The following GABRG1 variants were observed in gnomAD, a reference collection of about 807,000 sequenced individuals.
The protein encoded by GABRG1 is gamma-aminobutyric acid receptor subunit gamma-1.
Under a neutral mutation model 49.8 loss-of-function variants are expected in GABRG1, and 49 were observed. That is an observed-to-expected ratio of 0.98 (90% CI 0.78 to 1.25). The LOEUF is 1.25. GABRG1 is among the 50% of genes most tolerant of loss of function. GABRG1 has a pLI of 0.00. For missense variants in GABRG1, 552 were observed against 552.3 expected (o/e 1.00, Z 0.01); for synonymous variants, 232 against 185.1 (o/e 1.25, Z -2.06).
At chr4:46,111,264 T>A (rs1720704637) in intron 1 of GABRG1, among the ~76,000 whole-genome samples, 1 of 150,912 alleles carries the variant, frequency 6.6e-6, no homozygotes, top group African/African-American at 2.4e-5. Context: ...ACAAAAATAA[T>A]ACCTAGGAAA....
intron 3 of GABRG1, among the ~76,000 whole-genome samples, chr4:46,080,756 C>T (rs550338950): frequency 1.3e-5 from 2 of 151,802 alleles, no homozygotes; most frequent in South Asian, 2.1e-4. Context: ...AAATTGAAAA[C>T]ATAAACCCCA....
chr4:46,049,948 T>C (rs1281463757), intron 8 of GABRG1, among the ~76,000 whole-genome samples: 1 of 151,944 alleles, frequency 6.6e-6, no homozygotes, highest in Non-Finnish European at 1.5e-5. Flanking sequence ...GCCTGGCCTC[T>C]ATATTAGTTA....
Position 46,065,439 on chromosome 4 carries a change from G to C in GABRG1, c.467C>G (p.Ser156Cys). ...AGGAGTTGTTATCCAGTGAGCATCA[G>C]ATTTTCTTGAGTTTCTGAAGAAAGT... ...PDTFFRNSRK[S>C]DAHWITTPNR... Residue 156 changes from serine to cysteine, a missense_variant, in exon 4 of 9, where the codon TCT becomes TGT. Transcript: ENST00000295452. 6.2e-7 allele frequency: 1 copy of C among 1,612,232 alleles called. No homozygotes were observed. Among genetic ancestry groups the C allele is most frequent in the Non-Finnish European group, 8.5e-7 (1 of 1,179,130 alleles).
chr4:46,086,752 G>A (rs1719770954), intron 2 of GABRG1, among the ~76,000 whole-genome samples: 1 of 151,502 alleles, frequency 6.6e-6, no homozygotes, highest in African/African-American at 2.4e-5. Context: ...TTCCAAGAAA[G>A]CAAGCAACCA....
chr4:46,051,569 T>C lies in GABRG1; in HGVS notation c.986A>G (p.Tyr329Cys), dbSNP rs1718223032. The C allele has an allele frequency of 6.2e-7, 1 of 1,611,714 alleles. No individual in the cohort carries two copies. The highest frequency in any genetic ancestry group is 8.5e-7 in the Non-Finnish European group (1 of 1,178,582). ...AACAAAGAGATCCATCGCAGTCACA[T>C]AAGAAACCTTAGGTAAAGACTTCCT... ...IARKSLPKVS[Y>C]VTAMDLFVSV... is the part of the protein sequence containing the mutation. The change falls in exon 8 of 9, where the codon TAT becomes TGT. Residue 329 changes from tyrosine to cysteine, a missense_variant. Tyr to Cys is a radical substitution (Grantham distance 194). Transcript: ENST00000295452.
At chr4:46,077,646 T>C (rs1397524680) in intron 3 of GABRG1, among the ~76,000 whole-genome samples, 2 of 151,938 alleles carry the variant, frequency 1.3e-5, no homozygotes, top group Admixed American at 6.6e-5. Context: ...TTCCCTTCTC[T>C]CTCAGTCTAA....
At chr4:46,104,405 CGTGTTGTT>C (rs975640114) in intron 1 of GABRG1, among the ~76,000 whole-genome samples, 15 of 151,418 alleles carry the variant, frequency 9.9e-5, no homozygotes, top group African/African-American at 3.6e-4. Flanking sequence ...AATTTATTGC[CGTGTTGTT>C]GTAAATGTAA....
intron 3 of GABRG1, among the ~76,000 whole-genome samples, chr4:46,068,711 C>T (rs944309057): frequency 1.3e-5 from 2 of 151,752 alleles, no homozygotes; most frequent in African/African-American, 4.8e-5. Context: ...CCATGTTACA[C>T]GTAATAAAAA....
rs752282109 is a variant in GABRG1 at position 46,123,793 on chromosome 4, C to A, written c.104+17G>T. On this transcript the variant is annotated intron_variant, in intron 1 of 8. Transcript: ENST00000295452. ...GTAGATAGCAAAGAATAGTTTTAAA[C>A]CCCTGAATTTACTCACCAGTTTCCC... 3.8e-5 allele frequency: 60 copies of A among 1,579,220 alleles called. No individual in the cohort carries two copies. The highest frequency in any genetic ancestry group is 4.9e-5 in the Non-Finnish European group (56 of 1,148,638).
At chr4:46,075,174 C>G (rs566457095) in intron 3 of GABRG1, among the ~76,000 whole-genome samples, 2 of 151,864 alleles carry the variant, frequency 1.3e-5, no homozygotes, top group East Asian at 3.9e-4. Flanking sequence ...ACTTTCAGTC[C>G]GTAAGTACCA....
At position 46,094,572 on chromosome 4, in the gene GABRG1, T is replaced by C. The variant is rs115407257; in HGVS notation, c.253+2629A>G. On this transcript the variant is annotated intron_variant, in intron 2 of 8. Transcript: ENST00000295452. ...TGATGTCAAAGAGTGATGTTCAAAA[T>C]AGGTTGTTTCTGGGCCAAGAAAAAT... Among the ~76,000 whole-genome samples the C allele has an allele frequency of 3.1e-3, 475 of 152,062 alleles. 1 individual carries two copies. Among genetic ancestry groups the C allele is most frequent in the African/African-American group, 0.011 (460 of 41,532 alleles).
At position 46,037,829 on chromosome 4, in the gene GABRG1, C is replaced by T. The variant is rs1577621859; in HGVS notation, c.*3159G>A. 3 of 151,534 alleles carry T rather than the reference C, an allele frequency of 2.0e-5. 1 individual carries two copies. Among genetic ancestry groups the T allele is most frequent in the East Asian group, 1.9e-4 (1 of 5,160 alleles). The allele number at this position is 151,534 out of a possible 1,614,324, so 9.4% of individuals were successfully genotyped here. A position where few individuals can be genotyped will look rare whatever the true frequency, so the allele number is the denominator to read the frequency against. On this transcript the variant is annotated 3_prime_UTR_variant, in exon 9 of 9. Coordinates refer to ENST00000295452, the MANE Select transcript of GABRG1 (RefSeq NM_173536.4). ...CAAATTTTGACCTGGAATATAATTT[C>T]ACATTTATAACTATGGGGCCCTTGG...
intron 1 of GABRG1, among the ~76,000 whole-genome samples, chr4:46,101,506 C>A (rs867569744): frequency 6.6e-6 from 1 of 151,702 alleles, no homozygotes; most frequent in East Asian, 2.0e-4. Context: ...ACAAAAAAAG[C>A]ACTGTGATCT....
At chr4:46,057,702 A>T (rs367708892) in intron 7 of GABRG1, among the ~76,000 whole-genome samples, 150 of 152,230 alleles carry the variant, frequency 9.9e-4, no homozygotes, top group African/African-American at 3.4e-3. Context: ...TACACATTTT[A>T]TACATGACAG....
chr4:46,058,353 CATGATAACATAAT>C lies in GABRG1; in HGVS notation c.767_779del (p.Asp256GlyfsTer7), dbSNP rs760463590. The C allele has an allele frequency of 6.2e-7, 1 of 1,610,736 alleles. No individual in the cohort carries two copies. Among genetic ancestry groups the C allele is most frequent in the African/African-American group, 1.3e-5 (1 of 74,834 alleles). ...TTCTGCTCAGGTCAAAAAAAATTGTCATGATAACATAATCCCCTGTAAGAAAAAAAAGTTTTAT... is the reference window on the plus strand; with the variant it reads ...TTCTGCTCAGGTCAAAAAAAATTGTCCCCCTGTAAGAAAAAAAAGTTTTAT... On this transcript the variant is annotated frameshift_variant, in exon 7 of 9. Coordinates refer to ENST00000295452, the MANE Select transcript of GABRG1 (RefSeq NM_173536.4). LOFTEE classifies it high-confidence loss of function.
In GABRG1 at chr4:46,065,687, T is replaced by A. The variant is rs115011798; in HGVS notation, c.322-103A>T. Reference sequence around the variant, plus strand: ...ATTGTAAAGTTTCTGCAAGTAACAGTTAAACTCAGTCTTTTCGGAGGAAAA... The same window carrying A: ...ATTGTAAAGTTTCTGCAAGTAACAGATAAACTCAGTCTTTTCGGAGGAAAA... On this transcript the variant is annotated intron_variant, in intron 3 of 8. Transcript: ENST00000295452. The A allele has an allele frequency of 1.3e-3, 809 of 625,100 alleles. 2 individuals carry two copies. Among genetic ancestry groups the A allele is most frequent in the Admixed American group, 3.4e-3 (112 of 33,136 alleles). The allele number at this position is 625,100 out of a possible 1,614,324, so 38.7% of individuals were successfully genotyped here.
intron 2 of GABRG1, among the ~76,000 whole-genome samples, chr4:46,084,275 T>C (rs1719673777): frequency 6.6e-6 from 1 of 151,688 alleles, no homozygotes; most frequent in Non-Finnish European, 1.5e-5. Flanking sequence ...CATGAGATAA[T>C]GCAGAAAAAT....
chr4:46,120,333 TTA>T (rs1721057136), intron 1 of GABRG1, among the ~76,000 whole-genome samples: 1 of 151,804 alleles, frequency 6.6e-6, no homozygotes, highest in Admixed American at 6.6e-5. Context: ...ACCTTCATCC[TTA>T]TATTCTTACA....
At chr4:46,047,953 A>G (rs1159065184) in intron 8 of GABRG1, among the ~76,000 whole-genome samples, 1 of 152,006 alleles carries the variant, frequency 6.6e-6, no homozygotes, top group Non-Finnish European at 1.5e-5. Context: ...AATTTCTATA[A>G]TTTCACATCT....
Sources: gnomAD v4.1 joint callset for allele counts (sites outside exome capture counted in the v4.1 genomes callset) on GRCh38, gnomAD v4.1.1 for gene constraint, MANE v1.5 for transcripts, NCBI Gene and HGNC (gene_info 2026-07-23, HGNC 2026-07-21) for gene names.